The following GPRASP3 variants were observed in gnomAD, a reference collection of about 807,000 sequenced individuals.
The protein encoded by GPRASP3 is G protein-coupled receptor associated sorting protein 3.
chrX:102,729,628 G>C, the GPRASP3 span, among the ~76,000 whole-genome samples: 1 of 112,169 alleles, frequency 8.9e-6, no homozygotes, highest in Non-Finnish European at 1.9e-5. Flanking sequence ...CCAACACTTT[G>C]GGAGGCTGAG....
At chrX:102,750,236 C>T in the GPRASP3 span, 3 of 1,197,653 alleles carry the variant, frequency 2.5e-6, no homozygotes, top group African/African-American at 5.3e-5. Flanking sequence ...GAAACCATGT[C>T]ATTTCCTTTG....
chrX:102,750,709 T>TG, the GPRASP3 span: 3 of 852,927 alleles, frequency 3.5e-6, no homozygotes, highest in Non-Finnish European at 4.8e-6. Context: ...AGTGTACACA[T>TG]TATACACTGC....
chrX:102,721,459 C>T, the GPRASP3 span, among the ~76,000 whole-genome samples: 1 of 111,710 alleles, frequency 9.0e-6, no homozygotes, highest in African/African-American at 3.3e-5. Flanking sequence ...TGCTCCAAGG[C>T]TCCAGCTGGC....
the GPRASP3 span, chrX:102,750,460 G>A: frequency 8.3e-7 from 1 of 1,208,744 alleles, no homozygotes; most frequent in African/African-American, 1.7e-5. Context: ...GGCATTGGCA[G>A]CATTAAAACT....
At chrX:102,724,234 TG>T in the GPRASP3 span, among the ~76,000 whole-genome samples, 1 of 111,116 alleles carries the variant, frequency 9.0e-6, no homozygotes, top group African/African-American at 3.3e-5. Flanking sequence ...TGGAGTCCAA[TG>T]CTAACTCCAA....
the GPRASP3 span, chrX:102,752,137 G>A: frequency 8.2e-6 from 1 of 122,254 alleles, no homozygotes; most frequent in South Asian, 3.8e-4. Flanking sequence ...CACAAAACAG[G>A]AAAGCTAGAA....
the GPRASP3 span, among the ~76,000 whole-genome samples, chrX:102,735,950 C>G: frequency 8.9e-6 from 1 of 112,184 alleles, no homozygotes; most frequent in East Asian, 2.8e-4. Flanking sequence ...GCAACTTTTG[C>G]TGAAAAACCT....
At chrX:102,739,407 G>A in the GPRASP3 span, among the ~76,000 whole-genome samples, 7 of 111,676 alleles carry the variant, frequency 6.3e-5, no homozygotes, top group Non-Finnish European at 1.3e-4. Flanking sequence ...GAAGTAATTC[G>A]AGAAATGGCG....
the GPRASP3 span, among the ~76,000 whole-genome samples, chrX:102,748,068 G>A: frequency 9.0e-6 from 1 of 111,619 alleles, no homozygotes; most frequent in African/African-American, 3.3e-5. Context: ...GGTGAGCCAG[G>A]ATTATGCCTA....
At chrX:102,728,542 A>G in the GPRASP3 span, among the ~76,000 whole-genome samples, 1 of 107,893 alleles carries the variant, frequency 9.3e-6, no homozygotes, top group East Asian at 2.9e-4. Context: ...TCAGCAGAAA[A>G]GAAGCAGACA....
At chrX:102,731,635 G>GA in the GPRASP3 span, among the ~76,000 whole-genome samples, 15 of 106,515 alleles carry the variant, frequency 1.4e-4, no homozygotes, top group Admixed American at 3.0e-4. Flanking sequence ...AAAAAAAAAA[G>GA]AAAAAAAAAG....
chrX:102,731,445 A>G, the GPRASP3 span, among the ~76,000 whole-genome samples: 3 of 111,186 alleles, frequency 2.7e-5, no homozygotes, highest in Non-Finnish European at 5.7e-5. Context: ...AACATGGTGA[A>G]ACCCTGTCTC....
At chrX:102,734,225 C>T in the GPRASP3 span, among the ~76,000 whole-genome samples, 3 of 112,042 alleles carry the variant, frequency 2.7e-5, no homozygotes. Context: ...AGCTTGGGCT[C>T]AGAGGCCTGA....
chrX:102,727,324 G>A, the GPRASP3 span, among the ~76,000 whole-genome samples: 5 of 112,051 alleles, frequency 4.5e-5, no homozygotes, highest in Non-Finnish European at 9.4e-5. Flanking sequence ...TCCTGAGGAA[G>A]AAGAAAAGAC....
the GPRASP3 span, among the ~76,000 whole-genome samples, chrX:102,734,230 G>GC: frequency 8.9e-6 from 1 of 111,926 alleles, no homozygotes; most frequent in African/African-American, 3.3e-5. Flanking sequence ...GGGCTCAGAG[G>GC]CCTGACAGTC....
At chrX:102,737,107 A>T in the GPRASP3 span, among the ~76,000 whole-genome samples, 3 of 112,483 alleles carry the variant, frequency 2.7e-5, no homozygotes, top group East Asian at 8.4e-4. Flanking sequence ...TTGACTGAGA[A>T]CAAAAAACCT....
chrX:102,733,932 T>C, the GPRASP3 span, among the ~76,000 whole-genome samples: 1 of 107,648 alleles, frequency 9.3e-6, no homozygotes, highest in South Asian at 4.2e-4. Flanking sequence ...AGGATTTGGG[T>C]AGGTAAAGGA....
chrX:102,727,775 G>A, the GPRASP3 span, among the ~76,000 whole-genome samples: 12 of 112,535 alleles, frequency 1.1e-4, no homozygotes, highest in Admixed American at 1.9e-4. Context: ...GAACTAGAAA[G>A]ATCTGATATA....
At chrX:102,727,247 A>G in the GPRASP3 span, among the ~76,000 whole-genome samples, 1 of 112,618 alleles carries the variant, frequency 8.9e-6, no homozygotes, top group Non-Finnish European at 1.9e-5. Flanking sequence ...TCTGCCATTC[A>G]CAATATCAAC....
Sources: gnomAD v4.1 joint callset for allele counts (sites outside exome capture counted in the v4.1 genomes callset) on GRCh38, gnomAD v4.1.1 for gene constraint, MANE v1.5 for transcripts, NCBI Gene and HGNC (gene_info 2026-07-23, HGNC 2026-07-21) for gene names.